Variants in AGAP1 observed in about 807,000 individuals in gnomAD.
AGAP1 encodes arf-GAP with GTPase, ANK repeat and PH domain-containing protein 1.
In AGAP1, 29 loss-of-function variants were observed where a neutral mutation model predicts 105.3. The observed-to-expected ratio is 0.28, with a 90% confidence interval of 0.21 to 0.38. The LOEUF (loss-of-function observed/expected upper bound fraction) is 0.38, where lower values mean the gene tolerates loss of function less well. Among genes scored for constraint, AGAP1 ranks in the 10% least tolerant of loss-of-function variants. AGAP1 has a pLI of 1.00. For synonymous variants in AGAP1, 509 were observed against 485.9 expected (o/e 1.05, Z -0.63); for missense variants, 998 against 1,165.1 (o/e 0.86, Z 2.09).
intron 11 of AGAP1, among the ~76,000 whole-genome samples, chr2:235,909,642 A>T (rs1445997034): frequency 6.6e-6 from 1 of 152,198 alleles, no homozygotes; most frequent in Non-Finnish European, 1.5e-5. Flanking sequence ...CTCCTTCAAC[A>T]TGGGGACATC....
chr2:235,753,469 C>A lies in AGAP1; in HGVS notation c.673+2981C>A. Among the ~76,000 whole-genome samples the A allele has an allele frequency of 6.6e-6, 1 of 152,068 alleles. No homozygotes were observed. The highest frequency in any genetic ancestry group is 1.9e-4 in the East Asian group (1 of 5,188). On this transcript the variant is annotated intron_variant, in intron 6 of 17. Coordinates refer to ENST00000304032, the MANE Select transcript of AGAP1 (RefSeq NM_001037131.3). The surrounding 1 kb of genome is among the most constrained non-coding windows in gnomAD (Gnocchi z 4.5). ...CCTGTAATCCCAACACTTTGGGAGG[C>A]TGAGGAGGGCAGATCACCTGAGGTC...
Position 235,578,303 on chromosome 2 carries a change from A to G in AGAP1, c.163+83454A>G, listed in dbSNP as rs1405298276. On this transcript the variant is annotated intron_variant, in intron 1 of 17. Transcript: ENST00000304032. This position sits in a 1 kb window ranked among gnomAD's most constrained non-coding sequence, Gnocchi z 4.9. ...TGACAAGGACCTGACCTCTCCTCAA[A>G]CTACAACCTAAGAACCACAATGCCT... 6.6e-6 allele frequency among the ~76,000 whole-genome samples: 1 copy of G among 152,092 alleles called. No individual in the cohort carries two copies. The highest frequency in any genetic ancestry group is 1.5e-5 in the Non-Finnish European group (1 of 68,010).
chr2:235,883,486 G>T lies in AGAP1; in HGVS notation c.1155+37G>T. The T allele has an allele frequency of 6.5e-7, 1 of 1,550,380 alleles. No individual in the cohort carries two copies. The highest frequency in any genetic ancestry group is 8.9e-7 in the Non-Finnish European group (1 of 1,124,112). On this transcript the variant is annotated intron_variant, in intron 10 of 17. Coordinates refer to ENST00000304032, the MANE Select transcript of AGAP1 (RefSeq NM_001037131.3). The surrounding 1 kb of genome is among the most constrained non-coding windows in gnomAD (Gnocchi z 4.5). ...CCCCTCGGAGCAATTAACAGCTGCAGACCTCAACTAAACACTGTGGGGAAG... is the reference window on the plus strand; with the variant it reads ...CCCCTCGGAGCAATTAACAGCTGCATACCTCAACTAAACACTGTGGGGAAG...
chr2:235,989,787 TG>T lies in AGAP1; in HGVS notation c.1645+21165del, dbSNP rs2055483027. Among the ~76,000 whole-genome samples the T allele has an allele frequency of 2.0e-5, 3 of 152,126 alleles. No individual in the cohort carries two copies. In the South Asian group the frequency reaches 6.2e-4, roughly 32 times the overall value. On this transcript the variant is annotated intron_variant, in intron 13 of 17. Transcript: ENST00000304032. The surrounding 1 kb of genome is among the most constrained non-coding windows in gnomAD (Gnocchi z 4.4). The stretch of plus-strand genomic sequence containing the variant: ...CAAGCATCAGTCCGTGCGGGAGACG[TG>T]CATGGAGTGGAACGGTCACAGCAGC...
chr2:235,715,257 G>A lies in AGAP1; in HGVS notation c.223-2300G>A, dbSNP rs181175712. ...CATCGACCCATCTTGTGTTTACCAG[G>A]ACTTTGTTGGAGCCAGGGACTATGA... On this transcript the variant is annotated intron_variant, in intron 2 of 17. Transcript: ENST00000304032. Among the ~76,000 whole-genome samples the A allele has an allele frequency of 2.2e-3, 338 of 152,230 alleles. 1 individual carries two copies. Among genetic ancestry groups the A allele is most frequent in the Admixed American group, 4.0e-3 (61 of 15,286 alleles).
chr2:236,023,939 G>T (rs963119117), intron 13 of AGAP1, among the ~76,000 whole-genome samples: 35 of 151,820 alleles, frequency 2.3e-4, no homozygotes, highest in African/African-American at 8.5e-4. Context: ...AGTGACTTCT[G>T]CATCCTCCTT....
At chr2:235,522,476 G>A (rs915041253) in intron 1 of AGAP1, among the ~76,000 whole-genome samples, 1 of 152,162 alleles carries the variant, frequency 6.6e-6, no homozygotes, top group Admixed American at 6.5e-5. Context: ...TGGAAGTGAG[G>A]AAGGAGAGGA....
Position 235,736,706 on chromosome 2 carries a change from G to A in AGAP1, c.311-4257G>A, listed in dbSNP as rs1382752344. Among the ~76,000 whole-genome samples, 1 of 152,082 alleles carries A rather than the reference G, an allele frequency of 6.6e-6. No homozygotes were observed. Among genetic ancestry groups the A allele is most frequent in the Non-Finnish European group, 1.5e-5 (1 of 68,038 alleles). On this transcript the variant is annotated intron_variant, in intron 3 of 17. Coordinates refer to ENST00000304032, the MANE Select transcript of AGAP1 (RefSeq NM_001037131.3). This position sits in a 1 kb window ranked among gnomAD's most constrained non-coding sequence, Gnocchi z 5.5. Reference sequence around the variant, plus strand: ...CCCATCTCATCTATCCAGGTGTGGCGGCACATGTCCGTGGTCCCAGCTACT... The same window carrying A: ...CCCATCTCATCTATCCAGGTGTGGCAGCACATGTCCGTGGTCCCAGCTACT...
At chr2:235,709,675 C>G (rs1950741576) in intron 2 of AGAP1, among the ~76,000 whole-genome samples, 1 of 152,160 alleles carries the variant, frequency 6.6e-6, no homozygotes, top group East Asian at 1.9e-4. Context: ...GCTTTGGTAT[C>G]CATCATTTTT....
At position 235,599,150 on chromosome 2, in the gene AGAP1, G is replaced by A. The variant is rs1028240643; in HGVS notation, c.163+104301G>A. Among the ~76,000 whole-genome samples, 13 of 152,166 alleles carry A rather than the reference G, an allele frequency of 8.5e-5. No homozygotes were observed. The highest frequency in any genetic ancestry group is 1.5e-4 in the Non-Finnish European group (10 of 68,044). ...TTTCCTTGTGGAGAACTTACTTGAC[G>A]CCAACAAAGAAATTTCTAGCTGCTT... On this transcript the variant is annotated intron_variant, in intron 1 of 17. Coordinates refer to ENST00000304032, the MANE Select transcript of AGAP1 (RefSeq NM_001037131.3). The surrounding 1 kb of genome is among the most constrained non-coding windows in gnomAD (Gnocchi z 5.3).
chr2:236,074,483 A>G (rs530585085), intron 16 of AGAP1, among the ~76,000 whole-genome samples: 2 of 152,180 alleles, frequency 1.3e-5, no homozygotes, highest in Admixed American at 1.3e-4. Context: ...TTACAAGCTT[A>G]AGCTCAGCAA....
chr2:236,118,482 C>T (rs999803047), intron 16 of AGAP1, among the ~76,000 whole-genome samples: 2 of 151,228 alleles, frequency 1.3e-5, no homozygotes, highest in African/African-American at 2.4e-5. Flanking sequence ...CTCTGCCTCC[C>T]GGGTTCAAGC....
rs1449221180 is a variant in AGAP1, at chr2:235,723,582, C to CTGGGCCA, written c.310+5945_310+5951dup. On this transcript the variant is annotated intron_variant, in intron 3 of 17. Coordinates refer to ENST00000304032, the MANE Select transcript of AGAP1 (RefSeq NM_001037131.3). The surrounding 1 kb of genome is among the most constrained non-coding windows in gnomAD (Gnocchi z 6.2). ...TGTCACCCATGGCATCACAGGCACC[C>CTGGGCCA]TGGGCCATGGGCCCTCCCGAGCTGT... Among the ~76,000 whole-genome samples, 1 of 152,214 alleles carries CTGGGCCA rather than the reference C, an allele frequency of 6.6e-6. No homozygotes were observed.
rs1225893600 is a variant in AGAP1 at position 235,621,183 on chromosome 2, G to A, written c.164-87996G>A. Among the ~76,000 whole-genome samples, 1 of 152,012 alleles carries A rather than the reference G, an allele frequency of 6.6e-6. No individual in the cohort carries two copies. The highest frequency in any genetic ancestry group is 1.5e-5 in the Non-Finnish European group (1 of 68,012). ...ACTACAGGCGCCCGCCACCACACCC[G>A]GCTATTTTTTGTATTTTTAGTACAG... On this transcript the variant is annotated intron_variant, in intron 1 of 17. Coordinates refer to ENST00000304032, the MANE Select transcript of AGAP1 (RefSeq NM_001037131.3). This position sits in a 1 kb window ranked among gnomAD's most constrained non-coding sequence, Gnocchi z 4.1.
At position 235,777,155 on chromosome 2, in the gene AGAP1, G is replaced by A. The variant is rs972332655; in HGVS notation, c.674-20604G>A. 1.5e-4 allele frequency: 65 copies of A among 436,316 alleles called. No individual in the cohort carries two copies. The highest frequency in any genetic ancestry group is 6.6e-4 in the Admixed American group (26 of 39,214). The allele number at this position is 436,316 out of a possible 1,614,324, so 27.0% of individuals were successfully genotyped here. ...GGGTGGATCACGAGGTCAGGAGATC[G>A]AGACCATCCTGGCTAACACAGTGAA... On this transcript the variant is annotated intron_variant, in intron 6 of 17. Transcript: ENST00000304032. The surrounding 1 kb of genome is among the most constrained non-coding windows in gnomAD (Gnocchi z 5.1).
intron 1 of AGAP1, among the ~76,000 whole-genome samples, chr2:235,579,411 C>G (rs1321691399): frequency 6.6e-6 from 1 of 152,164 alleles, no homozygotes; most frequent in Non-Finnish European, 1.5e-5. Context: ...CAGGGGGCGA[C>G]TTGGCTCTTT....
Position 235,716,663 on chromosome 2 carries a change from A to G in AGAP1, c.223-894A>G, listed in dbSNP as rs1333866050. 1.3e-5 allele frequency among the ~76,000 whole-genome samples: 2 copies of G among 152,138 alleles called. No homozygotes were observed. The highest frequency in any genetic ancestry group is 2.9e-5 in the Non-Finnish European group (2 of 68,032). ...GTGGGGGAGGAAAAGGTTAAAATGC[A>G]GGAGATTTTTGATGAGCAGCTTCCC... On this transcript the variant is annotated intron_variant, in intron 2 of 17. Transcript: ENST00000304032. This position sits in a 1 kb window ranked among gnomAD's most constrained non-coding sequence, Gnocchi z 4.0.
intron 1 of AGAP1, among the ~76,000 whole-genome samples, chr2:235,640,903 A>G (rs542479382): frequency 6.6e-6 from 1 of 152,206 alleles, no homozygotes; most frequent in Non-Finnish European, 1.5e-5. Flanking sequence ...GCTTTCACTC[A>G]TTTAGGTGGG....
intron 1 of AGAP1, among the ~76,000 whole-genome samples, chr2:235,567,744 G>T (rs1470138766): frequency 6.6e-6 from 1 of 151,412 alleles, no homozygotes; most frequent in Non-Finnish European, 1.5e-5. Context: ...GGCACTGGGG[G>T]GTGGGCAGGG....
Sources: gnomAD v4.1 joint callset for allele counts (sites outside exome capture counted in the v4.1 genomes callset) on GRCh38, gnomAD v4.1.1 for gene constraint, Gnocchi (gnomAD v3.1) non-coding constraint, MANE v1.5 for transcripts, NCBI Gene and HGNC (gene_info 2026-07-23, HGNC 2026-07-21) for gene names.